PCSK5: variants seen among roughly 807,000 people sequenced by gnomAD.
The protein encoded by PCSK5 is proprotein convertase subtilisin/kexin type 5.
A neutral mutation model predicts 233.2 loss-of-function variants in PCSK5; 129 were observed. That is an observed-to-expected ratio of 0.55 (90% CI 0.48 to 0.64). PCSK5 has a LOEUF of 0.64. Among genes scored for constraint, PCSK5 ranks in the 30% least tolerant of loss-of-function variants. The probability of loss-of-function intolerance (pLI) is 0.00; values close to 1 mark genes in which losing one functional copy is unlikely to be tolerated. For missense variants in PCSK5, 2,076 were observed against 2,430.1 expected (o/e 0.85, Z 3.06); for synonymous variants, 825 against 879.2 (o/e 0.94, Z 1.09).
chr9:76,162,946 G>A (rs1215751204), intron 12 of PCSK5, among the ~76,000 whole-genome samples: 1 of 152,196 alleles, frequency 6.6e-6, no homozygotes, highest in East Asian at 1.9e-4. Flanking sequence ...CTCACAGCAG[G>A]CTGCGTGTTG....
chr9:76,138,270 T>C lies in PCSK5; in HGVS notation c.1312+4058T>C, dbSNP rs1003861326. On this transcript the variant is annotated intron_variant, in intron 10 of 37. Coordinates refer to ENST00000674117, the MANE Select transcript of PCSK5 (RefSeq NM_001372043.1). ...CAAGCCCCGACAATCTGCCAGGTCA[T>C]GTTAGATAAGTGTTGATGATCCTTC... is the stretch of plus-strand genomic sequence containing the variant. Among the ~76,000 whole-genome samples, 5 of 152,080 alleles carry C rather than the reference T, an allele frequency of 3.3e-5. No individual in the cohort carries two copies. In the South Asian group the frequency reaches 1.0e-3, roughly 32 times the overall value.
At chr9:76,168,942 T>C (rs573964544) in intron 12 of PCSK5, among the ~76,000 whole-genome samples, 1 of 152,344 alleles carries the variant, frequency 6.6e-6, no homozygotes, top group South Asian at 2.1e-4. Flanking sequence ...GAATATTGTA[T>C]AAATTGAATC....
intron 9 of PCSK5, among the ~76,000 whole-genome samples, chr9:76,132,713 T>A (rs1373595755): frequency 6.6e-6 from 1 of 152,044 alleles, no homozygotes; most frequent in African/African-American, 2.4e-5. Context: ...GGTTAAGTAC[T>A]TGGCATTATT....
intron 2 of PCSK5, among the ~76,000 whole-genome samples, chr9:75,959,400 TCA>T (rs1825236177): frequency 6.6e-6 from 1 of 152,162 alleles, no homozygotes; most frequent in Non-Finnish European, 1.5e-5. Flanking sequence ...AGGAACCATG[TCA>T]CAGACGGCTG....
At chr9:75,959,627 G>A (rs35248827) in intron 2 of PCSK5, among the ~76,000 whole-genome samples, 9,092 of 152,270 alleles carry the variant, frequency 0.06, 315 homozygotes, top group Middle Eastern at 0.12. Flanking sequence ...CCCATGTCCA[G>A]CAGTTGTACA....
rs373193127 is a variant in PCSK5 at position 76,043,252 on chromosome 9, C to T, written c.632+16215C>T. On this transcript the variant is annotated intron_variant, in intron 5 of 37. Coordinates refer to ENST00000674117, the MANE Select transcript of PCSK5 (RefSeq NM_001372043.1). ...CCCAGAGGCTGAGGCAGGAGAATGG[C>T]GTGTACCCGGGAGGTGGAGCTTGCA... 9.1e-3 allele frequency among the ~76,000 whole-genome samples: 1,295 copies of T among 142,686 alleles called. 23 individuals carry two copies. Among genetic ancestry groups the T allele is most frequent in the African/African-American group, 0.029 (1,122 of 39,012 alleles). 93.6% of individuals were successfully genotyped at this position (142,686 alleles called of 152,430 possible). A position where few individuals can be genotyped will look rare whatever the true frequency, so the allele number is the denominator to read the frequency against.
At chr9:76,315,928 G>GTTTTTTTTTTTTTTTTTTTT (rs71499141) in intron 30 of PCSK5, among the ~76,000 whole-genome samples, 1 of 91,796 alleles carries the variant, frequency 1.1e-5, no homozygotes, top group East Asian at 3.8e-4. Context: ...CACTTCAAGG[G>GTTTTTTTTTTTTTTTTTTTT]TTTTTTTTTT....
At chr9:75,970,630 A>AT (rs1211814159) in intron 2 of PCSK5, among the ~76,000 whole-genome samples, 4 of 151,222 alleles carry the variant, frequency 2.6e-5, no homozygotes, top group African/African-American at 7.3e-5. Flanking sequence ...TTATTTATTT[A>AT]TTTTTTTTGG....
intron 35 of PCSK5, among the ~76,000 whole-genome samples, chr9:76,347,763 GA>G (rs5898474): frequency 0.24 from 30,445 of 126,144 alleles, 4,250 homozygotes; most frequent in East Asian, 0.6. Context: ...AAAATAAAAA[GA>G]AAAAAAAAAA....
chr9:76,279,667 T>A (rs1365296440), intron 24 of PCSK5, among the ~76,000 whole-genome samples: 10 of 152,194 alleles, frequency 6.6e-5, no homozygotes, highest in East Asian at 1.9e-4. Context: ...TGGCCAGTGA[T>A]GATGAGCATT....
At chr9:75,939,444 T>C (rs1824202050) in intron 2 of PCSK5, among the ~76,000 whole-genome samples, 2 of 152,328 alleles carry the variant, frequency 1.3e-5, no homozygotes, top group Admixed American at 1.3e-4. Context: ...TCAAAGCCTC[T>C]TACTAGTCTG....
intron 5 of PCSK5, among the ~76,000 whole-genome samples, chr9:76,038,676 G>A (rs1172429854): frequency 2.0e-5 from 3 of 152,174 alleles, no homozygotes; most frequent in African/African-American, 7.2e-5. Flanking sequence ...AGAGATCAAA[G>A]AGTTGGGATA....
intron 24 of PCSK5, among the ~76,000 whole-genome samples, chr9:76,246,710 G>A (rs1826612804): frequency 6.6e-6 from 1 of 152,200 alleles, no homozygotes; most frequent in African/African-American, 2.4e-5. Context: ...TTGAATGAAT[G>A]GGGTACATAT....
At chr9:76,326,865 A>T (rs1215546791) in intron 32 of PCSK5, among the ~76,000 whole-genome samples, 1 of 152,154 alleles carries the variant, frequency 6.6e-6, no homozygotes, top group Non-Finnish European at 1.5e-5. Context: ...CAGGATGGAG[A>T]TAAAACTTGA....
chr9:76,325,644 C>CTTTCTTTTTTTTTT (rs1230191426), intron 32 of PCSK5, among the ~76,000 whole-genome samples: 1 of 150,370 alleles, frequency 6.7e-6, no homozygotes, highest in Non-Finnish European at 1.5e-5. Flanking sequence ...ATTGCACTTT[C>CTTTCTTTTTTTTTT]TTTTTTTTGA....
chr9:75,942,536 G>A (rs1463245652), intron 2 of PCSK5, among the ~76,000 whole-genome samples: 3 of 152,152 alleles, frequency 2.0e-5, no homozygotes, highest in Non-Finnish European at 2.9e-5. Flanking sequence ...TGAGTATCAG[G>A]CAAAACATAA....
At chr9:76,016,553 C>T (rs905042837) in intron 3 of PCSK5, among the ~76,000 whole-genome samples, 5 of 152,072 alleles carry the variant, frequency 3.3e-5, no homozygotes, top group African/African-American at 9.7e-5. Flanking sequence ...CAGAAATGCC[C>T]GCTAAGTTTT....
intron 14 of PCSK5, 88 bp from the exon 15 acceptor site, chr9:76,179,508 A>G: frequency 1.1e-6 from 1 of 893,884 alleles, no homozygotes; most frequent in Non-Finnish European, 1.8e-6. Context: ...AAGAAAAAAA[A>G]AAGTCTTATT....
At chr9:75,965,359 A>C (rs1475464098) in intron 2 of PCSK5, among the ~76,000 whole-genome samples, 1 of 142,052 alleles carries the variant, frequency 7.0e-6, no homozygotes, top group Admixed American at 7.1e-5. Context: ...AAGCTGAGAG[A>C]GGTCCCACGA....
Sources: allele counts gnomAD v4.1 joint callset (sites outside exome capture counted in the v4.1 genomes callset), GRCh38; gene constraint gnomAD v4.1.1; transcripts MANE v1.5; gene names NCBI Gene and HGNC (gene_info 2026-07-23, HGNC 2026-07-21).